DIPK1A: variants seen among roughly 807,000 people sequenced by gnomAD.
DIPK1A encodes the protein family with sequence similarity 69 member A.
In DIPK1A, 27 loss-of-function variants were observed where a neutral mutation model predicts 40.8. The ratio of observed to expected loss-of-function variants is 0.66; its 90% CI spans 0.49 to 0.91. DIPK1A has a LOEUF of 0.91. Among genes scored for constraint, DIPK1A ranks in the 40% least tolerant of loss-of-function variants. The pLI is 0.00. For synonymous variants in DIPK1A, 166 were observed against 171.3 expected (o/e 0.97, Z 0.24); for missense variants, 412 against 505.7 (o/e 0.81, Z 1.78).
chr1:92,926,186 A>G (rs894575958), intron 1 of DIPK1A, among the ~76,000 whole-genome samples: 8 of 152,192 alleles, frequency 5.3e-5, no homozygotes, highest in Non-Finnish European at 7.4e-5. Flanking sequence ...TAATATGAAC[A>G]ATTAAAGCTA....
intron 1 of DIPK1A, among the ~76,000 whole-genome samples, chr1:92,918,115 C>T (rs12733767): frequency 0.069 from 10,456 of 152,088 alleles, 487 homozygotes; most frequent in Non-Finnish European, 0.1. Context: ...TATTACAAGG[C>T]TTAAAGATGA....
At chr1:92,954,312 A>T (rs1426511616) in intron 1 of DIPK1A, among the ~76,000 whole-genome samples, 1 of 150,422 alleles carries the variant, frequency 6.6e-6, no homozygotes, top group Non-Finnish European at 1.5e-5. Flanking sequence ...AAAAAAAAAT[A>T]AATAAATAAA....
chr1:92,835,952 G>C (rs1687107257), intron 4 of DIPK1A, among the ~76,000 whole-genome samples: 1 of 152,104 alleles, frequency 6.6e-6, no homozygotes, highest in Admixed American at 6.5e-5. Context: ...GTGTGGACAT[G>C]TAGCAAAGAT....
chr1:92,956,332 A>G lies in DIPK1A; in HGVS notation c.54+5044T>C, dbSNP rs577853299. 5.3e-4 allele frequency among the ~76,000 whole-genome samples: 80 copies of G among 152,366 alleles called. 1 individual carries two copies. The highest frequency in any genetic ancestry group is 1.6e-4 in the Non-Finnish European group (11 of 68,034). On this transcript the variant is annotated intron_variant, in intron 1 of 4. Coordinates refer to ENST00000370310, the MANE Select transcript of DIPK1A (RefSeq NM_001006605.5). ...TCTTTGAGCTTCTAACAAAGGTTCAAAAGCAACTAATGGTAATATCAAGTG... is the reference window on the plus strand; with the variant it reads ...TCTTTGAGCTTCTAACAAAGGTTCAGAAGCAACTAATGGTAATATCAAGTG...
At chr1:92,938,900 T>C (rs1189409020) in intron 1 of DIPK1A, among the ~76,000 whole-genome samples, 1 of 152,210 alleles carries the variant, frequency 6.6e-6, no homozygotes, top group Non-Finnish European at 1.5e-5. Flanking sequence ...GAATTCTTTC[T>C]ACTTTTATCA....
intron 1 of DIPK1A, among the ~76,000 whole-genome samples, chr1:92,944,704 C>G (rs185241330): frequency 3.3e-5 from 5 of 152,304 alleles, no homozygotes; most frequent in African/African-American, 1.2e-4. Flanking sequence ...GCGATCTTGG[C>G]TCACTGCAGC....
intron 1 of DIPK1A, among the ~76,000 whole-genome samples, chr1:92,878,958 G>C (rs1648254601): frequency 6.6e-6 from 1 of 152,160 alleles, no homozygotes; most frequent in African/African-American, 2.4e-5. Flanking sequence ...AGTGAGCCGA[G>C]ATTGTGCCAC....
chr1:92,839,877 G>A (rs1004399354), downstream of DIPK1A, among the ~76,000 whole-genome samples: 2 of 151,350 alleles, frequency 1.3e-5, no homozygotes, highest in Admixed American at 6.6e-5. Flanking sequence ...ATCTTGTTCT[G>A]TTTCCTGGGC....
chr1:92,883,380 A>G (rs1046343958), intron 1 of DIPK1A, among the ~76,000 whole-genome samples: 1 of 152,232 alleles, frequency 6.6e-6, no homozygotes, highest in African/African-American at 2.4e-5. Flanking sequence ...AGGATAAGTA[A>G]AAAAACTAAG....
At position 92,901,613 on chromosome 1, in the gene DIPK1A, T is replaced by C. The variant is rs146078662; in HGVS notation, c.55-25183A>G. Among the ~76,000 whole-genome samples, 20 of 152,102 alleles carry C rather than the reference T, an allele frequency of 1.3e-4. No homozygotes were observed. The East Asian group carries it at 3.7e-3, about 28-fold the overall frequency. On this transcript the variant is annotated intron_variant, in intron 1 of 4. Coordinates refer to ENST00000370310, the MANE Select transcript of DIPK1A (RefSeq NM_001006605.5). The stretch of plus-strand genomic sequence containing the variant: ...ACTTGGAAACCTGAGCCAATACGGC[T>C]CAGTAACAACTCAGGTCCCAGTGGA...
chr1:92,901,208 TC>T (rs1176706152), intron 1 of DIPK1A, among the ~76,000 whole-genome samples: 1 of 152,018 alleles, frequency 6.6e-6, no homozygotes, highest in African/African-American at 2.4e-5. Flanking sequence ...ATTCTTATTT[TC>T]CCCAGAATGG....
At position 92,948,662 on chromosome 1, in the gene DIPK1A, CAT is replaced by C. The variant is rs965891761; in HGVS notation, c.54+12712_54+12713del. Among the ~76,000 whole-genome samples, 41 of 143,730 alleles carry C rather than the reference CAT, an allele frequency of 2.9e-4. 3 individuals carry two copies. In the South Asian group the frequency reaches 3.7e-3, roughly 13 times the overall value. 94.3% of individuals were successfully genotyped at this position (143,730 alleles called of 152,430 possible). On this transcript the variant is annotated intron_variant, in intron 1 of 4. Transcript: ENST00000370310. ...TATTTAATATATATACGTATATATA[CAT>C]ATGTGTATATATACATGTATATGTA...
At chr1:92,841,118 C>G (rs1482710460), downstream of DIPK1A, among the ~76,000 whole-genome samples, 1 of 152,168 alleles carries the variant, frequency 6.6e-6, no homozygotes, top group Non-Finnish European at 1.5e-5. Flanking sequence ...TCATGCTGTG[C>G]AATAGAACTA....
intron 1 of DIPK1A, among the ~76,000 whole-genome samples, chr1:92,895,447 T>C (rs1440931923): frequency 6.6e-6 from 1 of 151,954 alleles, no homozygotes; most frequent in Non-Finnish European, 1.5e-5. Context: ...TTTGACAAAA[T>C]TCAACAACCC....
intron 1 of DIPK1A, among the ~76,000 whole-genome samples, chr1:92,881,772 T>C (rs1648385444): frequency 1.3e-5 from 2 of 152,156 alleles, no homozygotes; most frequent in Admixed American, 1.3e-4. Flanking sequence ...CCAAAAAACT[T>C]TAGAAACTGC....
At chr1:92,919,116 G>C (rs1293794007) in intron 1 of DIPK1A, among the ~76,000 whole-genome samples, 1 of 152,060 alleles carries the variant, frequency 6.6e-6, no homozygotes, top group East Asian at 1.9e-4. Context: ...TAAACTCCAG[G>C]GAGCATCTTC....
intron 1 of DIPK1A, among the ~76,000 whole-genome samples, chr1:92,958,501 C>T (rs1055785424): frequency 6.6e-6 from 1 of 152,194 alleles, no homozygotes; most frequent in Non-Finnish European, 1.5e-5. Context: ...CATCTCTTCC[C>T]TCTATCTGTG....
intron 1 of DIPK1A, among the ~76,000 whole-genome samples, chr1:92,939,323 A>G (rs748059749): frequency 3.3e-5 from 5 of 152,352 alleles, no homozygotes; most frequent in Non-Finnish European, 7.3e-5. Context: ...GGAAGTCTAC[A>G]TAACCGAATG....
chr1:92,915,643 A>G (rs932993821), intron 1 of DIPK1A, among the ~76,000 whole-genome samples: 7 of 152,196 alleles, frequency 4.6e-5, no homozygotes, highest in East Asian at 1.9e-4. Flanking sequence ...TCAAAAGATC[A>G]TCTGGGAACT....
Sources: gnomAD v4.1 joint callset for allele counts (sites outside exome capture counted in the v4.1 genomes callset) on GRCh38, gnomAD v4.1.1 for gene constraint, MANE v1.5 for transcripts, NCBI Gene and HGNC (gene_info 2026-07-23, HGNC 2026-07-21) for gene names.